Variants in NCEH1 observed in about 807,000 individuals in gnomAD.
NCEH1 encodes 2-acetyl MAGE hydrolase.
NCEH1 carries 9 observed loss-of-function variants against 25.4 expected under a neutral mutation model. The ratio of observed to expected loss-of-function variants is 0.35; its 90% CI spans 0.21 to 0.62. The LOEUF (loss-of-function observed/expected upper bound fraction) is 0.62, where lower values mean the gene tolerates loss of function less well. NCEH1 is among the 20% of genes least tolerant of loss of function. The pLI is 0.72. For synonymous variants in NCEH1, 200 were observed against 199.8 expected (o/e 1.00, Z -0.01); for missense variants, 412 against 501.1 (o/e 0.82, Z 1.70).
chr3:172,679,576 C>T (rs1712224867), intron 1 of NCEH1, among the ~76,000 whole-genome samples: 1 of 151,560 alleles, frequency 6.6e-6, no homozygotes, highest in Non-Finnish European at 1.5e-5. Flanking sequence ...TAAACACGTA[C>T]AGATAATACA....
chr3:172,647,382 T>C (rs773515763), intron 2 of NCEH1, among the ~76,000 whole-genome samples: 1 of 152,236 alleles, frequency 6.6e-6, no homozygotes, highest in South Asian at 2.1e-4. Context: ...CTTTGAATGG[T>C]TGCATATATT....
At chr3:172,650,743 C>G (rs1717357989) in intron 1 of NCEH1, among the ~76,000 whole-genome samples, 1 of 137,936 alleles carries the variant, frequency 7.2e-6, no homozygotes, top group African/African-American at 2.8e-5. Flanking sequence ...ACCCGGGAGG[C>G]AGATGTTGCA....
chr3:172,700,690 G>T (rs903407658), intron 1 of NCEH1, among the ~76,000 whole-genome samples: 45 of 152,156 alleles, frequency 3.0e-4, no homozygotes, highest in African/African-American at 1.1e-3. Context: ...GTCTTACTTT[G>T]TTGCCAAGGC....
intron 1 of NCEH1, among the ~76,000 whole-genome samples, chr3:172,703,785 A>G (rs1183115737): frequency 1.3e-5 from 2 of 152,182 alleles, no homozygotes; most frequent in Non-Finnish European, 2.9e-5. Flanking sequence ...ATTATCTTAC[A>G]CACCAGGTAG....
intron 1 of NCEH1, among the ~76,000 whole-genome samples, chr3:172,697,353 C>T (rs1052055554): frequency 6.6e-6 from 1 of 152,102 alleles, no homozygotes; most frequent in Non-Finnish European, 1.5e-5. Context: ...TAAGCTTAAC[C>T]TATCAGAAAC....
intron 1 of NCEH1, among the ~76,000 whole-genome samples, chr3:172,688,683 C>A (rs1391423370): frequency 1.3e-5 from 2 of 151,904 alleles, no homozygotes; most frequent in Non-Finnish European, 2.9e-5. Flanking sequence ...TCCTCCTCAC[C>A]CTTCACCAGG....
At chr3:172,658,027 G>A (rs1035363955) in intron 1 of NCEH1, among the ~76,000 whole-genome samples, 2 of 152,180 alleles carry the variant, frequency 1.3e-5, no homozygotes, top group African/African-American at 4.8e-5. Flanking sequence ...TTCTCAGATG[G>A]TTAAGGCATT....
chr3:172,670,827 C>A (rs1384098385), intron 1 of NCEH1, among the ~76,000 whole-genome samples: 3 of 151,778 alleles, frequency 2.0e-5, no homozygotes, highest in Non-Finnish European at 2.9e-5. Flanking sequence ...TTTAAAAGAA[C>A]CAAAAACCTA....
intron 1 of NCEH1, among the ~76,000 whole-genome samples, chr3:172,706,505 T>C (rs1375349195): frequency 1.3e-5 from 2 of 149,300 alleles, no homozygotes; most frequent in Non-Finnish European, 3.0e-5. Flanking sequence ...TTTTCTTTTT[T>C]TTTTTTTTTT....
At chr3:172,654,512 T>C (rs1226943906) in intron 1 of NCEH1, among the ~76,000 whole-genome samples, 1 of 152,228 alleles carries the variant, frequency 6.6e-6, no homozygotes, top group Non-Finnish European at 1.5e-5. Flanking sequence ...ATTATGCACA[T>C]TTGTTATTAG....
chr3:172,659,212 G>T (rs1717850477), intron 1 of NCEH1, among the ~76,000 whole-genome samples: 1 of 152,136 alleles, frequency 6.6e-6, no homozygotes, highest in Non-Finnish European at 1.5e-5. Flanking sequence ...AAACCTTCTT[G>T]GAAGGCTGGG....
rs1205712461 is a variant in NCEH1, at chr3:172,632,233, G to A, written c.*1242C>T. The A allele has an allele frequency of 2.6e-5, 4 of 152,140 alleles. No homozygotes were observed. Among genetic ancestry groups the A allele is most frequent in the South Asian group, 2.1e-4 (1 of 4,832 alleles). 9.4% of individuals were successfully genotyped at this position (152,140 alleles called of 1,614,324 possible). A position where few individuals can be genotyped will look rare whatever the true frequency, so the allele number is the denominator to read the frequency against. On this transcript the variant is annotated 3_prime_UTR_variant, in exon 5 of 5. Transcript: ENST00000475381. ...TTAACTTGTATATGCATATAAACAC[G>A]AAAATATTTATGCCTATGTTATAGT...
At chr3:172,671,968 G>A (rs9862424) in intron 1 of NCEH1, among the ~76,000 whole-genome samples, 21,313 of 152,064 alleles carry the variant, frequency 0.14, 1,675 homozygotes, top group East Asian at 0.2. Flanking sequence ...GTATTTATAA[G>A]GCCTACAGTA....
At chr3:172,694,121 T>A (rs1295112807) in intron 1 of NCEH1, among the ~76,000 whole-genome samples, 1 of 152,160 alleles carries the variant, frequency 6.6e-6, no homozygotes, top group Non-Finnish European at 1.5e-5. Flanking sequence ...CTCAAACTCC[T>A]GGGCTCAAGC....
intron 1 of NCEH1, among the ~76,000 whole-genome samples, chr3:172,691,046 T>G (rs1341904807): frequency 6.6e-6 from 1 of 152,184 alleles, no homozygotes; most frequent in Non-Finnish European, 1.5e-5. Flanking sequence ...CCAAACACCC[T>G]TTACCTACTC....
chr3:172,678,705 T>C (rs749963957), intron 1 of NCEH1, among the ~76,000 whole-genome samples: 8 of 152,216 alleles, frequency 5.3e-5, no homozygotes, highest in Non-Finnish European at 1.0e-4. Context: ...TTTTAAACTA[T>C]ATGTATTAAA....
At chr3:172,673,040 C>T (rs1412365587) in intron 1 of NCEH1, among the ~76,000 whole-genome samples, 1 of 152,176 alleles carries the variant, frequency 6.6e-6, no homozygotes, top group Non-Finnish European at 1.5e-5. Flanking sequence ...TGATACTGGA[C>T]ATTGAAGAAA....
intron 1 of NCEH1, among the ~76,000 whole-genome samples, chr3:172,658,387 C>T (rs538017156): frequency 6.6e-6 from 1 of 152,292 alleles, no homozygotes; most frequent in Admixed American, 6.5e-5. Flanking sequence ...TCCTTCTTCC[C>T]TTATTTCTTT....
chr3:172,653,752 G>GTTTTTTTTTTTTT (rs375874414), intron 1 of NCEH1, among the ~76,000 whole-genome samples: 1 of 83,840 alleles, frequency 1.2e-5, no homozygotes, highest in African/African-American at 4.2e-5. Context: ...TTGTTTTTTT[G>GTTTTTTTTTTTTT]TTTTTTTGTT....
Sources: gnomAD v4.1 joint callset for allele counts (sites outside exome capture counted in the v4.1 genomes callset) on GRCh38, gnomAD v4.1.1 for gene constraint, MANE v1.5 for transcripts, NCBI Gene and HGNC (gene_info 2026-07-23, HGNC 2026-07-21) for gene names.